PCDHA3: variants seen among roughly 807,000 people sequenced by gnomAD.
PCDHA3 encodes the protein protocadherin alpha 3.
In PCDHA3, 41 loss-of-function variants were observed where a neutral mutation model predicts 62.2. That is an observed-to-expected ratio of 0.66 (90% confidence interval 0.51 to 0.86). The LOEUF (loss-of-function observed/expected upper bound fraction) is 0.86, where lower values mean the gene tolerates loss of function less well. PCDHA3 is among the 40% of genes least tolerant of loss of function. The probability of loss-of-function intolerance (pLI) is 0.00; values close to 1 mark genes in which losing one functional copy is unlikely to be tolerated. For missense variants in PCDHA3, 1,304 were observed against 1,241.2 expected (o/e 1.05, Z -0.76); for synonymous variants, 640 against 555.4 (o/e 1.15, Z -2.14).
At chr5:140,973,959 G>A (rs782474164) in intron 1 of PCDHA3, among the ~76,000 whole-genome samples, 2 of 152,198 alleles carry the variant, frequency 1.3e-5, no homozygotes, top group Admixed American at 6.5e-5. Flanking sequence ...TTTTACAGGT[G>A]TCTTTAAATG....
chr5:140,848,512 G>A (rs1781566761), intron 1 of PCDHA3: 1 of 1,590,350 alleles, frequency 6.3e-7, no homozygotes, highest in South Asian at 1.1e-5. Context: ...TACTCAAGTC[G>A]AGGAGATCCA....
chr5:140,847,677 T>A (rs1554141874), intron 1 of PCDHA3: 1 of 149,738 alleles, frequency 6.7e-6, no homozygotes, highest in African/African-American at 2.4e-5. Flanking sequence ...TTGGAAAGAA[T>A]CAAAACAACA....
At chr5:140,972,101 A>C (rs114554334) in intron 1 of PCDHA3, among the ~76,000 whole-genome samples, 3,080 of 152,290 alleles carry the variant, frequency 0.02, 42 homozygotes, top group Middle Eastern at 0.075. Flanking sequence ...CTGGCATAGA[A>C]GCAGGTAACA....
chr5:140,876,481 C>T (rs1442284424), intron 1 of PCDHA3: 9 of 1,613,878 alleles, frequency 5.6e-6, no homozygotes, highest in Admixed American at 1.7e-5. Flanking sequence ...CAGCATGGTC[C>T]TGGTGGAAGT....
At position 140,838,745 on chromosome 5, in the gene PCDHA3, G is replaced by A. The variant is rs12655588; in HGVS notation, c.2394+35154G>A. Among the ~76,000 whole-genome samples the A allele has an allele frequency of 3.5e-3, 537 of 152,028 alleles. 21 individuals are homozygous for A. In the East Asian group the frequency reaches 0.074, roughly 21 times the overall value. On this transcript the variant is annotated intron_variant, in intron 1 of 3. Coordinates refer to ENST00000522353, the MANE Select transcript of PCDHA3 (RefSeq NM_018906.3). ...CAGTCTAGTAGTTTGAGACCAGCTT[G>A]TGCATCTTTTGTAGAGACTTTGTAA...
At chr5:140,869,099 A>G in intron 1 of PCDHA3, 1 of 1,596,446 alleles carries the variant, frequency 6.3e-7, no homozygotes, top group African/African-American at 1.3e-5. Flanking sequence ...CCAATTTCGT[A>G]TGCGATGTTT....
chr5:140,929,201 T>C (rs146014873), intron 1 of PCDHA3: 3 of 1,614,168 alleles, frequency 1.9e-6, no homozygotes, highest in East Asian at 4.5e-5. Flanking sequence ...AACAGTTTGC[T>C]GTTGCGTGGG....
intron 1 of PCDHA3, chr5:140,836,020 G>A (rs1267674995): frequency 2.5e-6 from 4 of 1,613,464 alleles, no homozygotes; most frequent in Admixed American, 3.3e-5. Flanking sequence ...CCGCCTCTGG[G>A]CAGCAACGTG....
chr5:140,811,783 C>T (rs1419535185), intron 1 of PCDHA3: 1 of 152,180 alleles, frequency 6.6e-6, no homozygotes, highest in Non-Finnish European at 1.5e-5. Context: ...TGTCTGTTGG[C>T]TGCATAAATG....
At chr5:140,836,409 C>T in intron 1 of PCDHA3, 1 of 1,613,780 alleles carries the variant, frequency 6.2e-7, no homozygotes, top group South Asian at 1.1e-5. Flanking sequence ...CGGCCAGGCA[C>T]CAAAGGCGTC....
At chr5:140,858,260 G>A (rs782801879) in intron 1 of PCDHA3, 2 of 1,597,208 alleles carry the variant, frequency 1.3e-6, no homozygotes, top group South Asian at 2.2e-5. Context: ...GCCCACGCTG[G>A]TGTGCTCTAG....
At chr5:140,858,234 C>A (rs782153266) in intron 1 of PCDHA3, 1 of 1,596,332 alleles carries the variant, frequency 6.3e-7, no homozygotes, top group South Asian at 1.1e-5. Context: ...ACCGAGGGCG[C>A]ATGTGGGCCG....
intron 1 of PCDHA3, among the ~76,000 whole-genome samples, chr5:140,959,348 G>C (rs991931151): frequency 1.3e-5 from 2 of 152,110 alleles, no homozygotes; most frequent in Admixed American, 6.5e-5. Flanking sequence ...GCACTCCAGC[G>C]GGACAACTGA....
intron 1 of PCDHA3, among the ~76,000 whole-genome samples, chr5:140,917,286 C>T (rs155803): frequency 0.32 from 46,630 of 146,510 alleles, 7,654 homozygotes; most frequent in East Asian, 0.52. Context: ...GACGCTTTTC[C>T]GTGTGCAGAT....
intron 1 of PCDHA3, among the ~76,000 whole-genome samples, chr5:140,904,951 T>C (rs1468765932): frequency 6.6e-6 from 1 of 152,188 alleles, no homozygotes; most frequent in Non-Finnish European, 1.5e-5. Context: ...GTCCTTTGTC[T>C]GATGCAGAAT....
intron 1 of PCDHA3, among the ~76,000 whole-genome samples, chr5:140,838,073 ATATAGTGTGTGTGT>A (rs1473657984): frequency 0.018 from 2,264 of 126,808 alleles, 40 homozygotes; most frequent in Admixed American, 0.045. Context: ...AGTTATATAT[ATATAGTGTGTGTGT>A]GTGTGTGTGT....
intron 1 of PCDHA3, among the ~76,000 whole-genome samples, chr5:140,962,286 T>C (rs1209495659): frequency 1.3e-5 from 2 of 152,224 alleles, no homozygotes; most frequent in Admixed American, 6.5e-5. Context: ...CCTCAACCTT[T>C]AATATTCTAT....
At chr5:140,968,349 G>A (rs1554230631) in intron 1 of PCDHA3, 2 of 1,614,128 alleles carry the variant, frequency 1.2e-6, no homozygotes, top group Admixed American at 3.3e-5. Context: ...AACAGTGCCA[G>A]TGGCAGCCTT....
chr5:140,801,615 CTGTT>C lies in PCDHA3; in HGVS notation c.420_423del (p.Ile142ProfsTer12). ...AGTTTTTCCAATGGCTGTAAAGAATCTGTTTATTTCCGAATCCCGACAGCCTGGC... is the reference window on the plus strand; with the variant it reads ...AGTTTTTCCAATGGCTGTAAAGAATCTATTTCCGAATCCCGACAGCCTGGC... On this transcript the variant is annotated frameshift_variant, in exon 1 of 4. Coordinates refer to ENST00000522353, the MANE Select transcript of PCDHA3 (RefSeq NM_018906.3). LOFTEE classifies it high-confidence loss of function. The C allele has an allele frequency of 1.2e-6, 2 of 1,614,108 alleles. No individual in the cohort carries two copies. Among genetic ancestry groups the C allele is most frequent in the Non-Finnish European group, 1.7e-6 (2 of 1,180,024 alleles).
Sources: gnomAD v4.1 joint callset for allele counts (sites outside exome capture counted in the v4.1 genomes callset) on GRCh38, gnomAD v4.1.1 for gene constraint, MANE v1.5 for transcripts, NCBI Gene and HGNC (gene_info 2026-07-23, HGNC 2026-07-21) for gene names.